SEMA3A: variants seen among roughly 807,000 people sequenced by gnomAD.
The protein encoded by SEMA3A is semaphorin 3A.
In SEMA3A, 29 loss-of-function variants were observed where a neutral mutation model predicts 97.9. The observed-to-expected ratio is 0.30, with a 90% confidence interval of 0.22 to 0.40. The LOEUF (loss-of-function observed/expected upper bound fraction) is 0.40, where lower values mean the gene tolerates loss of function less well. SEMA3A is among the 10% of genes least tolerant of loss of function. The pLI is 1.00. For synonymous variants in SEMA3A, 321 were observed against 323.7 expected (o/e 0.99, Z 0.09); for missense variants, 763 against 951.3 (o/e 0.80, Z 2.60).
intron 2 of SEMA3A, among the ~76,000 whole-genome samples, chr7:84,320,700 A>T (rs941508220): frequency 6.6e-6 from 1 of 152,096 alleles, no homozygotes; most frequent in African/African-American, 2.4e-5. Flanking sequence ...GTAAAAATAT[A>T]AACTATGTAC....
At chr7:84,489,898 G>C (rs769778634) in intron 1 of SEMA3A, among the ~76,000 whole-genome samples, 40 of 151,898 alleles carry the variant, frequency 2.6e-4, no homozygotes, top group Admixed American at 2.0e-4. Context: ...GATATATCCT[G>C]GGTCTTCTAA....
At chr7:84,365,273 T>C (rs967301160) in intron 2 of SEMA3A, among the ~76,000 whole-genome samples, 1 of 151,560 alleles carries the variant, frequency 6.6e-6, no homozygotes, top group African/African-American at 2.4e-5. Flanking sequence ...TGGAAAGAAC[T>C]ATCATATATA....
intron 6 of SEMA3A, among the ~76,000 whole-genome samples, chr7:84,016,305 T>C (rs956722555): frequency 6.6e-6 from 1 of 152,028 alleles, no homozygotes; most frequent in Non-Finnish European, 1.5e-5. Context: ...TTTGGGAGGC[T>C]GAGGCGGGTG....
chr7:84,043,729 T>A (rs1792234002), intron 6 of SEMA3A, among the ~76,000 whole-genome samples: 1 of 152,118 alleles, frequency 6.6e-6, no homozygotes, highest in Admixed American at 6.6e-5. Context: ...CTTGCAGCAG[T>A]TCTGTTTTTT....
At chr7:84,426,941 C>T (rs1054558101) in intron 1 of SEMA3A, among the ~76,000 whole-genome samples, 1 of 152,038 alleles carries the variant, frequency 6.6e-6, no homozygotes, top group Non-Finnish European at 1.5e-5. Flanking sequence ...AGCAAATTAA[C>T]GTATTACAGT....
chr7:84,062,849 G>A (rs1439953856), intron 4 of SEMA3A, among the ~76,000 whole-genome samples: 2 of 113,284 alleles, frequency 1.8e-5, no homozygotes, highest in Non-Finnish European at 1.7e-5. Context: ...GGGGAGGGGC[G>A]TCCGCCATTG....
At chr7:84,016,223 ATGTT>A (rs1791092176) in intron 6 of SEMA3A, among the ~76,000 whole-genome samples, 1 of 150,584 alleles carries the variant, frequency 6.6e-6, no homozygotes, top group Non-Finnish European at 1.5e-5. Context: ...GTGTGTGTGT[ATGTT>A]TGTGTGTGAG....
intron 4 of SEMA3A, among the ~76,000 whole-genome samples, chr7:84,094,821 T>C (rs1036798602): frequency 6.6e-6 from 1 of 152,034 alleles, no homozygotes; most frequent in African/African-American, 2.4e-5. Context: ...AGATGGACAA[T>C]GCCCAGGTAA....
chr7:84,246,615 A>T (rs1411690408), intron 3 of SEMA3A, among the ~76,000 whole-genome samples: 1 of 152,158 alleles, frequency 6.6e-6, no homozygotes, highest in East Asian at 1.9e-4. Flanking sequence ...ATGCAAATGA[A>T]CTAATAATTG....
intron 1 of SEMA3A, among the ~76,000 whole-genome samples, chr7:84,483,140 G>A (rs1386955045): frequency 5.9e-5 from 9 of 152,146 alleles, no homozygotes; most frequent in Admixed American, 3.9e-4. Flanking sequence ...AATAGGCCAT[G>A]CTAGTCCTTA....
intron 15 of SEMA3A, among the ~76,000 whole-genome samples, chr7:83,968,418 TTACTC>T (rs1018366737): frequency 2.9e-4 from 44 of 152,352 alleles, no homozygotes; most frequent in Middle Eastern, 3.4e-3. Flanking sequence ...ATTACAGTGT[TTACTC>T]TATGTTTACT....
At chr7:84,132,858 T>C (rs1796007686) in intron 2 of SEMA3A, among the ~76,000 whole-genome samples, 1 of 151,818 alleles carries the variant, frequency 6.6e-6, no homozygotes, top group Non-Finnish European at 1.5e-5. Flanking sequence ...GTATTTTTAG[T>C]AGAGACAGGT....
chr7:84,109,594 A>G lies in SEMA3A; in HGVS notation c.453+876T>C, dbSNP rs530011653. On this transcript the variant is annotated intron_variant, in intron 4 of 16. Coordinates refer to ENST00000265362, the MANE Select transcript of SEMA3A (RefSeq NM_006080.3). ...TTCATGAAATTTAGGGAGAGAGTCT[A>G]AAGTTTAAGTTATAAAGAAGTAACT... Among the ~76,000 whole-genome samples the G allele has an allele frequency of 2.0e-5, 3 of 152,332 alleles. No individual in the cohort carries two copies. The South Asian group carries it at 6.2e-4, about 32-fold the overall frequency.
At chr7:84,166,735 C>G (rs992157666) in intron 1 of SEMA3A, among the ~76,000 whole-genome samples, 4 of 151,288 alleles carry the variant, frequency 2.6e-5, no homozygotes, top group African/African-American at 7.3e-5. Flanking sequence ...ATTAGCTGGG[C>G]GCGGTGGCAG....
At chr7:83,982,703 C>CT (rs1789465138) in intron 13 of SEMA3A, among the ~76,000 whole-genome samples, 1 of 151,942 alleles carries the variant, frequency 6.6e-6, no homozygotes, top group Non-Finnish European at 1.5e-5. Context: ...CAATGATATG[C>CT]TTTTTTAATA....
chr7:84,447,461 G>A (rs1805446405), intron 1 of SEMA3A, among the ~76,000 whole-genome samples: 1 of 152,106 alleles, frequency 6.6e-6, no homozygotes, highest in Non-Finnish European at 1.5e-5. Flanking sequence ...CCTTGCCCAT[G>A]GCCGCCCATG....
intron 1 of SEMA3A, among the ~76,000 whole-genome samples, chr7:84,392,607 G>A (rs1803612723): frequency 1.3e-5 from 2 of 152,052 alleles, no homozygotes; most frequent in Admixed American, 6.6e-5. Flanking sequence ...GCCGGTAATT[G>A]AATTTTTAGT....
chr7:84,074,391 G>T (rs1169180071), intron 4 of SEMA3A, among the ~76,000 whole-genome samples: 1 of 152,088 alleles, frequency 6.6e-6, no homozygotes. Context: ...ATGTAACCCT[G>T]ATCTCTGTCA....
chr7:84,462,979 C>A (rs1805889140), intron 1 of SEMA3A, among the ~76,000 whole-genome samples: 1 of 152,006 alleles, frequency 6.6e-6, no homozygotes, highest in South Asian at 2.1e-4. Context: ...GTTTACTAGC[C>A]CTTCCTCTTA....
Sources: allele counts gnomAD v4.1 joint callset (sites outside exome capture counted in the v4.1 genomes callset), GRCh38; gene constraint gnomAD v4.1.1; transcripts MANE v1.5; gene names NCBI Gene and HGNC (gene_info 2026-07-23, HGNC 2026-07-21).